SERPINB2: variants seen among roughly 807,000 people sequenced by gnomAD.
SERPINB2 encodes plasminogen activator inhibitor 2.
A neutral mutation model predicts 39.4 loss-of-function variants in SERPINB2; 28 were observed. That is an observed-to-expected ratio of 0.71 (90% CI 0.53 to 0.97). SERPINB2 has a LOEUF of 0.97. SERPINB2 is among the 50% of genes least tolerant of loss of function. SERPINB2 has a pLI of 0.00. For synonymous variants in SERPINB2, 209 were observed against 175.1 expected (o/e 1.19, Z -1.53); for missense variants, 557 against 505.3 (o/e 1.10, Z -0.98).
chr18:63,896,724 A>T (rs933951257), intron 3 of SERPINB2, among the ~76,000 whole-genome samples: 1 of 152,210 alleles, frequency 6.6e-6, no homozygotes. Flanking sequence ...CTTATTAACT[A>T]TAGTCATTAT....
intron 6 of SERPINB2, 98 bp from the exon 7 acceptor site, chr18:63,902,306 T>C: frequency 9.2e-7 from 1 of 1,086,160 alleles, no homozygotes; most frequent in South Asian, 2.0e-5. Flanking sequence ...ATCACATTTA[T>C]CCTACACTAA....
chr18:63,897,918 CTTAG>C (rs532811143), intron 5 of SERPINB2, 74 bp downstream of exon 5: 8 of 1,009,542 alleles, frequency 7.9e-6, no homozygotes, highest in African/African-American at 4.9e-5. Flanking sequence ...CATCCATGAA[CTTAG>C]TTAGCCCTCA....
rs147504740 is a variant in SERPINB2, at chr18:63,897,206, C to A, written c.404C>A (p.Ala135Glu). 2 of 1,607,806 alleles carry A rather than the reference C, an allele frequency of 1.2e-6. No individual in the cohort carries two copies. The highest frequency in any genetic ancestry group is 1.3e-5 in the African/African-American group (1 of 74,544). ...AATAAGCTGTTTGGTGAGAAGTCTG[C>A]GAGCTTCCGGGAAGTAAGTGAAACC... is the stretch of plus-strand genomic sequence containing the variant. ...SVNKLFGEKSASFREEYIRLC... is the reference protein window; with the variant it reads ...SVNKLFGEKSESFREEYIRLC... Residue 135 changes from alanine (A) to glutamate (E), a missense_variant, in exon 4 of 8, where the codon GCG (alanine) becomes GAG (glutamate). Ala to Glu is a moderately radical substitution (Grantham distance 107). Transcript: ENST00000299502.
intron 2 of SERPINB2, among the ~76,000 whole-genome samples, chr18:63,893,229 A>AC (rs2049938195): frequency 6.6e-6 from 1 of 152,030 alleles, no homozygotes; most frequent in Non-Finnish European, 1.5e-5. Context: ...CACCCGGCCT[A>AC]GGTTTTTTTG....
chr18:63,895,488 C>CA (rs544571561), intron 3 of SERPINB2, 105 bp downstream of exon 3: 8 of 1,370,798 alleles, frequency 5.8e-6, no homozygotes, highest in Non-Finnish European at 8.2e-6. Context: ...TACCCTCCCC[C>CA]ATTCACAGAA....
rs1355171524 is a variant in SERPINB2 at position 63,901,779 on chromosome 18, G to A, written c.575G>A (p.Gly192Glu). 3.8e-6 allele frequency: 6 copies of A among 1,582,574 alleles called. No individual in the cohort carries two copies. The highest frequency in any genetic ancestry group is 1.7e-4 in the Middle Eastern group (1 of 6,004). ...PNLLPEGSVD[G>E]DTRMVLVNAV... ...TTGTTACCTGAAGGTTCTGTAGATG[G>A]GGATACCAGGATGGTCCTGGTGAAT... is the stretch of plus-strand genomic sequence containing the variant. Residue 192 changes from glycine (G) to glutamate (E), a missense_variant, in exon 6 of 8, where the codon GGG becomes GAG. By Grantham distance (98) the Gly-to-Glu change is moderately conservative. Transcript: ENST00000299502.
chr18:63,901,150 A>G (rs1392859596), intron 5 of SERPINB2, among the ~76,000 whole-genome samples: 1 of 152,072 alleles, frequency 6.6e-6, no homozygotes, highest in Non-Finnish European at 1.5e-5. Context: ...CATAGTACTC[A>G]ATATATTATT....
chr18:63,902,873 G>GTTTGT lies in SERPINB2; in HGVS notation c.844-13_844-9dup, dbSNP rs112143454. 2.4e-5 allele frequency: 36 copies of GTTTGT among 1,518,528 alleles called. 1 individual carries two copies. In the African/African-American group the frequency reaches 3.2e-4, roughly 14 times the overall value. 94.1% of individuals were successfully genotyped at this position (1,518,528 alleles called of 1,614,324 possible). A position where few individuals can be genotyped will look rare whatever the true frequency, so the allele number is the denominator to read the frequency against. ...TCTAATACTTGCTGTATTTTCTTTTGTTTGTTTTGTTTTGTTTTGCTTTGC... is the reference window on the plus strand; with the variant it reads ...TCTAATACTTGCTGTATTTTCTTTTGTTTGTTTTGTTTTGTTTTGTTTTGCTTTGC... On this transcript the variant is annotated intron_variant, in intron 7 of 7. Coordinates refer to ENST00000299502, the MANE Select transcript of SERPINB2 (RefSeq NM_002575.3).
intron 1 of SERPINB2, among the ~76,000 whole-genome samples, chr18:63,891,234 G>A (rs1340066227): frequency 6.6e-6 from 1 of 152,128 alleles, no homozygotes; most frequent in Non-Finnish European, 1.5e-5. Flanking sequence ...GAGGGCATTT[G>A]GCTAAACAAG....
chr18:63,891,524 A>T lies in SERPINB2; in HGVS notation c.80A>T (p.Asn27Ile). 1 of 1,613,986 alleles carries T rather than the reference A, an allele frequency of 6.2e-7. No individual in the cohort carries two copies. Among genetic ancestry groups the T allele is most frequent in the Non-Finnish European group, 8.5e-7 (1 of 1,179,974 alleles). Residue 27 changes from asparagine (N) to isoleucine (I), a missense_variant, in exon 2 of 8, where the codon AAC becomes ATC. By Grantham distance (149) the Asn-to-Ile change is moderately radical. Coordinates refer to ENST00000299502, the MANE Select transcript of SERPINB2 (RefSeq NM_002575.3). Reference protein sequence around the residue: ...KHLAKASPTQNLFLSPWSISS... With the variant: ...KHLAKASPTQILFLSPWSISS... ...CTGGCAAAAGCAAGCCCCACCCAGAACCTCTTCCTCTCCCCATGGAGCATC... is the reference window on the plus strand; with the variant it reads ...CTGGCAAAAGCAAGCCCCACCCAGATCCTCTTCCTCTCCCCATGGAGCATC...
intron 3 of SERPINB2, among the ~76,000 whole-genome samples, 162 bp downstream of exon 3, chr18:63,895,545 A>G (rs560522765): frequency 6.6e-6 from 1 of 152,348 alleles, no homozygotes; most frequent in African/African-American, 2.4e-5. Context: ...TCCTAAGATG[A>G]TACCCATAAC....
rs2049925367 is a variant in SERPINB2 at position 63,891,467 on chromosome 18, A to G, written c.23A>G (p.Asn8Ser). 1 of 1,613,934 alleles carries G rather than the reference A, an allele frequency of 6.2e-7. No homozygotes were observed. Among genetic ancestry groups the G allele is most frequent in the Admixed American group, 1.7e-5 (1 of 59,996 alleles). MEDLCVA[N>S]TLFALNLFKH... Reference sequence around the variant, plus strand: ...ACAATGGAGGATCTTTGTGTGGCAAACACACTCTTTGCCCTCAATTTATTC... The same window carrying G: ...ACAATGGAGGATCTTTGTGTGGCAAGCACACTCTTTGCCCTCAATTTATTC... The change falls in exon 2 of 8, where the codon AAC becomes AGC. Residue 8 changes from asparagine to serine, a missense_variant. Coordinates refer to ENST00000299502, the MANE Select transcript of SERPINB2 (RefSeq NM_002575.3).
chr18:63,902,841 C>T (rs762517681), intron 7 of SERPINB2, 60 bp from the exon 8 acceptor site: 4 of 1,445,436 alleles, frequency 2.8e-6, no homozygotes, highest in African/African-American at 2.9e-5. Context: ...AAGTTGTTTT[C>T]CTTCTTTCTA....
At chr18:63,897,628 A>G in intron 4 of SERPINB2, 99 bp from the exon 5 acceptor site, 1 of 893,574 alleles carries the variant, frequency 1.1e-6, no homozygotes, top group Non-Finnish European at 1.9e-6. Flanking sequence ...ACCCTACCCC[A>G]GGTCTCCTAA....
At chr18:63,893,358 C>G (rs1380680261) in intron 2 of SERPINB2, among the ~76,000 whole-genome samples, 1 of 152,030 alleles carries the variant, frequency 6.6e-6, no homozygotes, top group Non-Finnish European at 1.5e-5. Flanking sequence ...AAACTGATTG[C>G]TCTGGACACA....
Position 63,895,287 on chromosome 18 carries a change from A to G in SERPINB2, c.192A>G (p.Gly64=), listed in dbSNP as rs781760818. The G allele has an allele frequency of 6.2e-7, 1 of 1,614,000 alleles. No individual in the cohort carries two copies. The highest frequency in any genetic ancestry group is 1.7e-5 in the Admixed American group (1 of 60,006). The change falls in exon 3 of 8, where the codon GGA becomes GGG. Residue 64 remains glycine, a synonymous_variant. Transcript: ENST00000299502. ...MAKVLQFNEV[G]ANAVTPMTPE... ...AGGTGCTTCAGTTTAATGAAGTGGGAGCCAATGCAGTTACCCCCATGACTC... is the reference window on the plus strand; with the variant it reads ...AGGTGCTTCAGTTTAATGAAGTGGGGGCCAATGCAGTTACCCCCATGACTC...
Position 63,903,302 on chromosome 18 carries a change from C to T in SERPINB2, c.1245C>T (p.Pro415=). Residue 415 remains proline (P), a synonymous_variant, in exon 8 of 8, where the codon CCC becomes CCT. Transcript: ENST00000299502. ...CILFFGRFSS[P] ...TATTTTTCGGCAGATTTTCCTCACC[C>T]TAAAACTAAGCGTGCTGCTTCTGCA... 6.6e-7 allele frequency: 1 copy of T among 1,504,672 alleles called. No homozygotes were observed. Among genetic ancestry groups the T allele is most frequent in the Non-Finnish European group, 8.9e-7 (1 of 1,127,538 alleles). 93.2% of individuals were successfully genotyped at this position (1,504,672 alleles called of 1,614,324 possible). A position where few individuals can be genotyped will look rare whatever the true frequency, so the allele number is the denominator to read the frequency against.
chr18:63,901,146 A>G (rs2049988559), intron 5 of SERPINB2, among the ~76,000 whole-genome samples: 2 of 152,028 alleles, frequency 1.3e-5, no homozygotes, highest in Admixed American at 1.3e-4. Flanking sequence ...TGATCATAGT[A>G]CTCAATATAT....
rs375079119 is a variant in SERPINB2, at chr18:63,901,850, C to G, written c.646C>G (p.Leu216Val). ...GTGGAAAACTCCATTTGAGAAGAAA[C>G]TAAATGGGCTTTATCCTTTCCGTGT... Reference protein sequence around the residue: ...GKWKTPFEKKLNGLYPFRVNS... With the variant: ...GKWKTPFEKKVNGLYPFRVNS... Residue 216 changes from leucine (L) to valine (V), a missense_variant, in exon 6 of 8, where the codon CTA (leucine) becomes GTA (valine). Coordinates refer to ENST00000299502, the MANE Select transcript of SERPINB2 (RefSeq NM_002575.3). 3.7e-6 allele frequency: 6 copies of G among 1,602,912 alleles called. No individual in the cohort carries two copies. Among genetic ancestry groups the G allele is most frequent in the Non-Finnish European group, 5.1e-6 (6 of 1,176,840 alleles).
Sources: gnomAD v4.1 joint callset for allele counts (sites outside exome capture counted in the v4.1 genomes callset) on GRCh38, gnomAD v4.1.1 for gene constraint, MANE v1.5 for transcripts, NCBI Gene and HGNC (gene_info 2026-07-23, HGNC 2026-07-21) for gene names.